AKAP6: variants seen among roughly 807,000 people sequenced by gnomAD.
AKAP6 encodes A-kinase anchor protein 6.
A neutral mutation model predicts 188.5 loss-of-function variants in AKAP6; 58 were observed. The observed-to-expected ratio is 0.31, with a 90% confidence interval of 0.25 to 0.38. AKAP6 has a LOEUF of 0.38. AKAP6 is among the 10% of genes least tolerant of loss of function. AKAP6 has a pLI of 1.00. For missense variants in AKAP6, 2,710 were observed against 2,740.0 expected, an observed-to-expected ratio of 0.99 and a Z score of 0.24; for synonymous variants, 989 against 998.6, an observed-to-expected ratio of 0.99 and a Z score of 0.18.
intron 9 of AKAP6, among the ~76,000 whole-genome samples, chr14:32,708,888 T>C (rs1354391463): frequency 3.3e-5 from 5 of 152,090 alleles, no homozygotes; most frequent in Non-Finnish European, 7.4e-5. Context: ...GTCTGTATGA[T>C]TTTTCCCTCC....
At chr14:32,699,022 A>G (rs371669296) in intron 9 of AKAP6, among the ~76,000 whole-genome samples, 4 of 152,216 alleles carry the variant, frequency 2.6e-5, no homozygotes, top group African/African-American at 9.6e-5. Context: ...TTTATGCCCA[A>G]ACCCTGACTC....
intron 1 of AKAP6, among the ~76,000 whole-genome samples, chr14:32,411,794 C>CT (rs11404817): frequency 0.67 from 96,944 of 144,310 alleles, 33,580 homozygotes; most frequent in Admixed American, 0.76. Flanking sequence ...CTCTCTTACT[C>CT]TTTTTTTTTT....
rs2034832892 is a variant in AKAP6, at chr14:32,832,612, A to T, written c.*2807A>T. The T allele has an allele frequency of 1.3e-5, 2 of 152,138 alleles. No homozygotes were observed. Among genetic ancestry groups the T allele is most frequent in the Admixed American group, 1.3e-4 (2 of 15,282 alleles). The allele number at this position is 152,138 out of a possible 1,614,324, so 9.4% of individuals were successfully genotyped here. The stretch of plus-strand genomic sequence containing the variant: ...CCAATTACCCTTAGAAAATGATCAC[A>T]CCAACTCTGCCTACACACTTCCAGT... On this transcript the variant is annotated 3_prime_UTR_variant, in exon 14 of 14. Coordinates refer to ENST00000280979, the MANE Select transcript of AKAP6 (RefSeq NM_004274.5).
At position 32,757,339 on chromosome 14, in the gene AKAP6, G is replaced by A. The variant is rs147427808; in HGVS notation, c.3373-16339G>A. On this transcript the variant is annotated intron_variant, in intron 11 of 13. Transcript: ENST00000280979. ...CATCTTGCTGACATCCTCCTAGGAG[G>A]CTAGGTTAGAGATGATAGGATTTCT... Among the ~76,000 whole-genome samples, 1,303 of 152,242 alleles carry A rather than the reference G, an allele frequency of 8.6e-3. 6 individuals are homozygous for A. Among genetic ancestry groups the A allele is most frequent in the Admixed American group, 0.016 (250 of 15,294 alleles).
intron 13 of AKAP6, 29 bp downstream of exon 13, chr14:32,824,844 A>G (rs1466961924): frequency 3.3e-6 from 5 of 1,505,970 alleles, no homozygotes; most frequent in South Asian, 2.7e-5. Flanking sequence ...CCGTATATGT[A>G]TTTAAAATAT....
At chr14:32,581,578 A>G (rs1239531157) in intron 5 of AKAP6, among the ~76,000 whole-genome samples, 1 of 152,054 alleles carries the variant, frequency 6.6e-6, no homozygotes, top group African/African-American at 2.4e-5. Context: ...TGATCTGTCT[A>G]ATGTTGACAG....
chr14:32,530,524 T>G (rs112678776), intron 2 of AKAP6, among the ~76,000 whole-genome samples: 1 of 152,142 alleles, frequency 6.6e-6, no homozygotes, highest in Non-Finnish European at 1.5e-5. Flanking sequence ...TGGCAGAATG[T>G]TGATCCATGT....
chr14:32,687,432 CTCTCTCTCTT>C (rs1199304230), intron 8 of AKAP6, among the ~76,000 whole-genome samples: 4 of 137,192 alleles, frequency 2.9e-5, no homozygotes, highest in Non-Finnish European at 5.9e-5. Flanking sequence ...CTCTCTCTCT[CTCTCTCTCTT>C]TCTCTCTTTC....
intron 1 of AKAP6, among the ~76,000 whole-genome samples, chr14:32,412,975 A>G (rs982839159): frequency 7.2e-5 from 11 of 152,054 alleles, no homozygotes; most frequent in Non-Finnish European, 1.3e-4. Flanking sequence ...AATCAATCTC[A>G]CCATGTGCCA....
At chr14:32,360,899 A>G (rs1362199833) in intron 1 of AKAP6, among the ~76,000 whole-genome samples, 1 of 151,622 alleles carries the variant, frequency 6.6e-6, no homozygotes, top group Non-Finnish European at 1.5e-5. Context: ...ACGTGCCACC[A>G]TGCCCAGCTA....
Position 32,545,639 on chromosome 14 carries a change from CAGG to C in AKAP6, c.989_991del (p.Gly330del), listed in dbSNP as rs1478404282. On this transcript the variant is annotated inframe_deletion, in exon 4 of 14. Transcript: ENST00000280979. ...TTAACACTGGGGGTGTCATCATCTT[CAGG>C]AGAAGCTCTGACAAATGCTGCTCAA... 6.2e-6 allele frequency: 10 copies of C among 1,614,026 alleles called. No homozygotes were observed. The highest frequency in any genetic ancestry group is 7.6e-6 in the Non-Finnish European group (9 of 1,180,012).
At chr14:32,699,582 G>A (rs1295001938) in intron 9 of AKAP6, among the ~76,000 whole-genome samples, 1 of 152,086 alleles carries the variant, frequency 6.6e-6, no homozygotes, top group Non-Finnish European at 1.5e-5. Context: ...TCCCTTAAAT[G>A]TACTTTCTTC....
intron 2 of AKAP6, among the ~76,000 whole-genome samples, chr14:32,461,136 T>G (rs537870483): frequency 6.6e-6 from 1 of 152,334 alleles, no homozygotes; most frequent in East Asian, 1.9e-4. Context: ...TGGTTGCTGC[T>G]TCAGCAGGTT....
intron 2 of AKAP6, among the ~76,000 whole-genome samples, chr14:32,531,931 G>C (rs532323697): frequency 9.2e-5 from 14 of 152,258 alleles, no homozygotes; most frequent in African/African-American, 3.1e-4. Flanking sequence ...GAAGGTTTTA[G>C]CAATTGTGGG....
intron 9 of AKAP6, among the ~76,000 whole-genome samples, chr14:32,722,800 C>T (rs564010524): frequency 4.6e-5 from 7 of 152,206 alleles, no homozygotes; most frequent in Non-Finnish European, 1.0e-4. Context: ...ACCTTTCCAT[C>T]CATTTGTGTG....
At position 32,812,821 on chromosome 14, in the gene AKAP6, T is replaced by G. The variant is rs186536067; in HGVS notation, c.3589-8581T>G. Among the ~76,000 whole-genome samples, 25 of 152,360 alleles carry G rather than the reference T, an allele frequency of 1.6e-4. No individual in the cohort carries two copies. In the East Asian group the frequency reaches 4.4e-3, roughly 27 times the overall value. ...CTTTAGAAATTATGACAGTATCTAA[T>G]TCTTTGATTTATTGGCACAAATATA... is the stretch of plus-strand genomic sequence containing the variant. On this transcript the variant is annotated intron_variant, in intron 12 of 13. Transcript: ENST00000280979.
chr14:32,332,080 A>G (rs1454887433), intron 1 of AKAP6, among the ~76,000 whole-genome samples: 1 of 152,068 alleles, frequency 6.6e-6, no homozygotes, highest in African/African-American at 2.4e-5. Context: ...GTAGAGAGTA[A>G]TAATCTCACT....
chr14:32,689,001 A>G (rs1890049982), intron 8 of AKAP6, among the ~76,000 whole-genome samples: 1 of 152,214 alleles, frequency 6.6e-6, no homozygotes, highest in Non-Finnish European at 1.5e-5. Flanking sequence ...AACTCACACC[A>G]GTGTGCCATT....
intron 2 of AKAP6, among the ~76,000 whole-genome samples, chr14:32,510,490 GTATA>G (rs374452403): frequency 0.017 from 1,924 of 114,520 alleles, 154 homozygotes; most frequent in African/African-American, 0.061. Context: ...ATATATATGT[GTATA>G]TATATATATA....
Sources: gnomAD v4.1 joint callset for allele counts (sites outside exome capture counted in the v4.1 genomes callset) on GRCh38, gnomAD v4.1.1 for gene constraint, MANE v1.5 for transcripts, NCBI Gene and HGNC (gene_info 2026-07-23, HGNC 2026-07-21) for gene names.